The following PC variants were observed in gnomAD, a reference collection of about 807,000 sequenced individuals.
The protein encoded by PC is pyruvate carboxylase, mitochondrial.
Under a neutral mutation model 107.8 loss-of-function variants are expected in PC, and 46 were observed. The observed-to-expected ratio is 0.43, with a 90% confidence interval of 0.34 to 0.55. The LOEUF (loss-of-function observed/expected upper bound fraction) is 0.55. PC is among the 20% of genes least tolerant of loss of function. The pLI, the probability that PC is intolerant of heterozygous loss-of-function variation, is 0.04. For synonymous variants in PC, 662 were observed against 684.7 expected (o/e 0.97, Z 0.52); for missense variants, 1,241 against 1,643.1 (o/e 0.76, Z 4.23).
At position 66,930,469 on chromosome 11, in the gene PC, T is replaced by C. The variant is rs566548810; in HGVS notation, c.-1+21961A>G. ...TATGTAAGAATGTTCCTGCTGGACG[T>C]GGTGGCTCATGCCTGTAATCCCAGC... On this transcript the variant is annotated intron_variant, in intron 3 of 22. Transcript: ENST00000393960. Among the ~76,000 whole-genome samples, 22 of 152,244 alleles carry C rather than the reference T, an allele frequency of 1.4e-4. No individual in the cohort carries two copies. The South Asian group carries it at 4.4e-3, about 30-fold the overall frequency.
intron 3 of PC, among the ~76,000 whole-genome samples, chr11:66,903,022 GCCTT>G (rs1948016643): frequency 2.0e-5 from 3 of 152,226 alleles, no homozygotes; most frequent in African/African-American, 7.2e-5. Context: ...GACTCGCCAG[GCCTT>G]ACTTTTCTGC....
At chr11:66,868,805 A>G (rs1463453742) in intron 10 of PC, 41 bp downstream of exon 10, 4 of 1,514,776 alleles carry the variant, frequency 2.6e-6, no homozygotes, top group Admixed American at 3.3e-5. Flanking sequence ...TGCAAATCCT[A>G]GAAGCCGCGC....
rs202213608 is a variant in PC at position 66,858,321 on chromosome 11, G to C, written c.1369-4938C>G. 9 of 1,608,066 alleles carry C rather than the reference G, an allele frequency of 5.6e-6. No homozygotes were observed. The highest frequency in any genetic ancestry group is 2.2e-5 in the East Asian group (1 of 44,778). On this transcript the variant is annotated intron_variant, in intron 12 of 22. Coordinates refer to ENST00000393960, the MANE Select transcript of PC (RefSeq NM_001040716.2). The surrounding 1 kb of genome is among the most constrained non-coding windows in gnomAD (Gnocchi z 5.9). ...GCCCCCAGGCGCCTTCGCCCAGCTCGGTCAGCTCTCCCGCCTGGACCTCAC... is the reference window on the plus strand; with the variant it reads ...GCCCCCAGGCGCCTTCGCCCAGCTCCGTCAGCTCTCCCGCCTGGACCTCAC...
At chr11:66,884,574 T>C (rs979729338) in intron 3 of PC, among the ~76,000 whole-genome samples, 7 of 152,154 alleles carry the variant, frequency 4.6e-5, no homozygotes, top group Non-Finnish European at 1.0e-4. Flanking sequence ...CAAAGTGATG[T>C]TGACAGGACA....
At position 66,866,386 on chromosome 11, in the gene PC, G is replaced by C. The variant is rs778918792; in HGVS notation, c.1023-37C>G. On this transcript the variant is annotated intron_variant, in intron 10 of 22. Transcript: ENST00000393960. This position sits in a 1 kb window ranked among gnomAD's most constrained non-coding sequence, Gnocchi z 5.4. ...TGGGGGGAGGGGGGAAAGGACGGGA[G>C]AAAGGGGGAAACATGAGGCGGGGGA... 9 of 1,325,196 alleles carry C rather than the reference G, an allele frequency of 6.8e-6. No individual in the cohort carries two copies. The highest frequency in any genetic ancestry group is 4.8e-5 in the South Asian group (4 of 83,946). 82.1% of individuals were successfully genotyped at this position (1,325,196 alleles called of 1,614,324 possible).
At chr11:66,899,150 G>A (rs1947863435) in intron 3 of PC, among the ~76,000 whole-genome samples, 1 of 152,128 alleles carries the variant, frequency 6.6e-6, no homozygotes, top group East Asian at 1.9e-4. Context: ...GATTACAGGG[G>A]TGAGCCACCG....
intron 12 of PC, among the ~76,000 whole-genome samples, chr11:66,856,122 C>G (rs1945801887): frequency 6.6e-6 from 1 of 152,258 alleles, no homozygotes; most frequent in Non-Finnish European, 1.5e-5. Flanking sequence ...CTTTCTCAAC[C>G]AGGAAGCAAA....
At chr11:66,958,128 G>A (rs1157731024) in intron 1 of PC, 194 bp downstream of exon 1, 3 of 151,638 alleles carry the variant, frequency 2.0e-5, no homozygotes, top group Non-Finnish European at 2.9e-5. Flanking sequence ...GAGGGGGAGG[G>A]GCGCCGTCCG....
intron 3 of PC, among the ~76,000 whole-genome samples, chr11:66,876,379 G>C (rs896275708): frequency 6.6e-6 from 1 of 152,216 alleles, no homozygotes; most frequent in Non-Finnish European, 1.5e-5. Flanking sequence ...GGGGGAACTG[G>C]GGTCAGGGGT....
At chr11:66,883,197 C>T (rs1360219784) in intron 3 of PC, among the ~76,000 whole-genome samples, 3 of 152,166 alleles carry the variant, frequency 2.0e-5, no homozygotes, top group Admixed American at 1.3e-4. Context: ...GCGACTGGCG[C>T]CATGGTCTCG....
intron 3 of PC, among the ~76,000 whole-genome samples, chr11:66,891,150 A>G (rs112098903): frequency 0.028 from 4,195 of 151,310 alleles, 100 homozygotes; most frequent in African/African-American, 0.046. Flanking sequence ...TCCGCCTCCC[A>G]GGTTCAAGTG....
intron 3 of PC, among the ~76,000 whole-genome samples, chr11:66,950,289 G>A (rs1949406720): frequency 6.6e-6 from 1 of 152,196 alleles, no homozygotes; most frequent in African/African-American, 2.4e-5. Flanking sequence ...CATGGTGGAT[G>A]TCATCAGGAA....
Position 66,851,047 on chromosome 11 carries a change from C to T in PC, c.2216G>A (p.Cys739Tyr). 6.2e-7 allele frequency: 1 copy of T among 1,612,916 alleles called. No homozygotes were observed. The highest frequency in any genetic ancestry group is 8.5e-7 in the Non-Finnish European group (1 of 1,179,978). ...ELVRAGTHIL[C>Y]IKDMAGLLKP... ...GACAAGTGGCCCAGGCACCTTGATGCACAGGATGTGGGTGCCAGCTCGCAC... is the reference window on the plus strand; with the variant it reads ...GACAAGTGGCCCAGGCACCTTGATGTACAGGATGTGGGTGCCAGCTCGCAC... The change falls in exon 17 of 23, where the codon TGC becomes TAC. Residue 739 changes from cysteine to tyrosine, a missense_variant. This residue lies in a region of PC where 1,143 missense variants were observed against 1,551.9 expected (regional missense o/e 0.74). Coordinates refer to ENST00000393960, the MANE Select transcript of PC (RefSeq NM_001040716.2).
chr11:66,858,968 C>G lies in PC; in HGVS notation c.1368+4806G>C. The G allele has an allele frequency of 1.3e-6, 2 of 1,573,090 alleles. No individual in the cohort carries two copies. Among genetic ancestry groups the G allele is most frequent in the South Asian group, 1.2e-5 (1 of 86,450 alleles). ...AGGGGACGCTGGAGTCTGAGCCAGCCGTGCAGGTGACGGAGGTGACCGCCA... is the reference window on the plus strand; with the variant it reads ...AGGGGACGCTGGAGTCTGAGCCAGCGGTGCAGGTGACGGAGGTGACCGCCA... On this transcript the variant is annotated intron_variant, in intron 12 of 22. Coordinates refer to ENST00000393960, the MANE Select transcript of PC (RefSeq NM_001040716.2). This position sits in a 1 kb window ranked among gnomAD's most constrained non-coding sequence, Gnocchi z 5.9.
At chr11:66,910,922 T>C (rs377580888) in intron 3 of PC, among the ~76,000 whole-genome samples, 3 of 152,204 alleles carry the variant, frequency 2.0e-5, no homozygotes, top group African/African-American at 7.2e-5. Context: ...CTGTGTTTAA[T>C]TGCAACTCCA....
At chr11:66,914,419 G>T (rs181296129) in intron 3 of PC, among the ~76,000 whole-genome samples, 311 of 152,176 alleles carry the variant, frequency 2.0e-3, no homozygotes, top group Middle Eastern at 3.4e-3. Context: ...GGCTGAGGCA[G>T]GAAATCGCTT....
rs1353689113 is a variant in PC, at chr11:66,871,019, GC to G, written c.633+32del. On this transcript the variant is annotated intron_variant, in intron 7 of 22. Transcript: ENST00000393960. This position sits in a 1 kb window ranked among gnomAD's most constrained non-coding sequence, Gnocchi z 7.4. ...CCCTGCCCCCACGGCAGGCTGCCCT[GC>G]CCTGCTCCCAGCCCTGGGCATCTTC... 2 of 1,613,290 alleles carry G rather than the reference GC, an allele frequency of 1.2e-6. No homozygotes were observed. Among genetic ancestry groups the G allele is most frequent in the Non-Finnish European group, 1.7e-6 (2 of 1,179,788 alleles).
At chr11:66,932,860 C>A (rs1591299298) in intron 3 of PC, among the ~76,000 whole-genome samples, 1 of 152,234 alleles carries the variant, frequency 6.6e-6, no homozygotes, top group Middle Eastern at 3.4e-3. Context: ...TTTCTGCACA[C>A]CAAAACCCAT....
chr11:66,852,668 A>G lies in PC; in HGVS notation c.1604-8T>C. The G allele has an allele frequency of 6.2e-7, 1 of 1,613,270 alleles. No individual in the cohort carries two copies. Among genetic ancestry groups the G allele is most frequent in the Non-Finnish European group, 8.5e-7 (1 of 1,179,384 alleles). On this transcript the variant is annotated splice_polypyrimidine_tract_variant and splice_region_variant and intron_variant, in intron 14 of 22. Coordinates refer to ENST00000393960, the MANE Select transcript of PC (RefSeq NM_001040716.2). The surrounding 1 kb of genome is among the most constrained non-coding windows in gnomAD (Gnocchi z 4.7). ...AACCAGCCGGGGGCGGGCCTAGGGTAGACAGGGGCATTGGTGCCCATCCTG... is the reference window on the plus strand; with the variant it reads ...AACCAGCCGGGGGCGGGCCTAGGGTGGACAGGGGCATTGGTGCCCATCCTG...
Sources: gnomAD v4.1 joint callset for allele counts (sites outside exome capture counted in the v4.1 genomes callset) on GRCh38, gnomAD v4.1.1 for gene constraint, gnomAD v4.1.1 regional missense constraint, Gnocchi (gnomAD v3.1) non-coding constraint, MANE v1.5 for transcripts, NCBI Gene and HGNC (gene_info 2026-07-23, HGNC 2026-07-21) for gene names.